The following IFT172 variants were observed in gnomAD, a reference collection of about 807,000 sequenced individuals.
The protein encoded by IFT172 is intraflagellar transport 172.
IFT172 carries 164 observed loss-of-function variants against 248.9 expected under a neutral mutation model. The observed-to-expected ratio is 0.66, with a 90% CI of 0.58 to 0.75. IFT172 has a LOEUF of 0.75. Among genes scored for constraint, IFT172 ranks in the 30% least tolerant of loss-of-function variants. The pLI, the probability that IFT172 is intolerant of heterozygous loss-of-function variation, is 0.00. For missense variants in IFT172, 1,950 were observed against 2,192.4 expected (o/e 0.89, Z 2.21); for synonymous variants, 729 against 791.6 (o/e 0.92, Z 1.33).
Position 27,445,884 on chromosome 2 carries a change from G to C in IFT172, c.4816-41C>G, listed in dbSNP as rs188659223. 1.5e-4 allele frequency: 246 copies of C among 1,614,132 alleles called. No individual in the cohort carries two copies. In the African/African-American group the frequency reaches 3.0e-3, roughly 20 times the overall value. On this transcript the variant is annotated intron_variant, in intron 44 of 47. Transcript: ENST00000260570. The surrounding 1 kb of genome is among the most constrained non-coding windows in gnomAD (Gnocchi z 4.4). ...CAACCATGAACTAGGCACAGCTCGC[G>C]ACTGGCAAAAACCTCCACCCTCGGG...
intron 1 of IFT172, among the ~76,000 whole-genome samples, chr2:27,487,696 G>A (rs562335746): frequency 4.0e-5 from 6 of 151,050 alleles, no homozygotes; most frequent in Non-Finnish European, 7.4e-5. Flanking sequence ...GAGTTCAAGC[G>A]ATTCTCCTGC....
chr2:27,464,044 T>C (rs6747190), intron 18 of IFT172, among the ~76,000 whole-genome samples: 4,515 of 152,240 alleles, frequency 0.03, 109 homozygotes, highest in Non-Finnish European at 0.048. Flanking sequence ...CTGGGATGAA[T>C]AGATGGTAGG....
chr2:27,461,882 G>C (rs761475127), intron 20 of IFT172, 46 bp from the exon 21 acceptor site: 1 of 1,608,320 alleles, frequency 6.2e-7, no homozygotes, highest in Admixed American at 1.7e-5. Flanking sequence ...AAAGATATGA[G>C]GATCAGAAAG....
chr2:27,477,197 A>C lies in IFT172; in HGVS notation c.1325+20T>G. ...GAATTATTCTGGGTTTCAGGGATTCAGAGAATCTTGTGAGGTTACCTGATG... is the reference window on the plus strand; with the variant it reads ...GAATTATTCTGGGTTTCAGGGATTCCGAGAATCTTGTGAGGTTACCTGATG... On this transcript the variant is annotated intron_variant, in intron 13 of 47. Transcript: ENST00000260570. 6.3e-7 allele frequency: 1 copy of C among 1,595,892 alleles called. No homozygotes were observed. Among genetic ancestry groups the C allele is most frequent in the Non-Finnish European group, 8.6e-7 (1 of 1,163,420 alleles).
chr2:27,475,222 C>G (rs1032249667), intron 14 of IFT172, among the ~76,000 whole-genome samples: 2 of 152,178 alleles, frequency 1.3e-5, no homozygotes, highest in African/African-American at 2.4e-5. Context: ...AATAGAAACT[C>G]TAACTGCTGG....
Position 27,457,915 on chromosome 2 carries a change from A to G in IFT172, c.3037T>C (p.Tyr1013His), listed in dbSNP as rs1382174815. 6.2e-7 allele frequency: 1 copy of G among 1,614,064 alleles called. No homozygotes were observed. Among genetic ancestry groups the G allele is most frequent in the Non-Finnish European group, 8.5e-7 (1 of 1,180,024 alleles). The change falls in exon 28 of 48, where the codon TAT becomes CAT. Residue 1013 changes from tyrosine to histidine, a missense_variant. Coordinates refer to ENST00000260570, the MANE Select transcript of IFT172 (RefSeq NM_015662.3). ...CCTACCAGGCGGATCATGTCATCAT[A>G]CAACTTGTGCTTTTTGTACATGGTG... ...AITMYKKHKL[Y>H]DDMIRLVGKH...
intron 14 of IFT172, among the ~76,000 whole-genome samples, chr2:27,473,390 G>C (rs988249280): frequency 8.9e-5 from 13 of 145,520 alleles, no homozygotes; most frequent in African/African-American, 3.0e-4. Flanking sequence ...AAAAAAAAAG[G>C]AAAATGATAA....
intron 18 of IFT172, among the ~76,000 whole-genome samples, chr2:27,464,213 A>G (rs1018403424): frequency 1.3e-5 from 2 of 152,192 alleles, no homozygotes; most frequent in East Asian, 1.9e-4. Context: ...GTCTGGAGAA[A>G]ATGGGATCAA....
intron 1 of IFT172, chr2:27,486,085 T>TGGGA (rs1668750620): frequency 6.0e-6 from 1 of 167,216 alleles, no homozygotes; most frequent in South Asian, 2.1e-4. Flanking sequence ...TTATCTGAGA[T>TGGGA]GGGAGGAATG....
chr2:27,447,586 C>T lies in IFT172; in HGVS notation c.4588G>A (p.Glu1530Lys), dbSNP rs764604255. Residue 1530 changes from glutamate to lysine, a missense_variant, in exon 42 of 48, where the codon GAG (glutamate) becomes AAG (lysine). By Grantham distance (56) the Glu-to-Lys change is moderately conservative (BLOSUM62 1). This residue lies in a region of IFT172 where 620 missense variants were observed against 699.0 expected (regional missense o/e 0.89). Coordinates refer to ENST00000260570, the MANE Select transcript of IFT172 (RefSeq NM_015662.3). ...SSEANSPAHE[E>K]FKTMLLIAHY... ...GCGATCAGCAGCATCGTCTTGAACT[C>T]CTCATGGGCTGGAGAGTTTGCCTCA... 17 of 1,614,048 alleles carry T rather than the reference C, an allele frequency of 1.1e-5. No individual in the cohort carries two copies. Among genetic ancestry groups the T allele is most frequent in the Middle Eastern group, 1.6e-4 (1 of 6,082 alleles).
chr2:27,460,914 C>A, intron 23 of IFT172, 101 bp downstream of exon 23: 1 of 1,266,936 alleles, frequency 7.9e-7, no homozygotes, highest in African/African-American at 1.5e-5. Flanking sequence ...ACGAGAAACA[C>A]CCACAGGTGT....
intron 43 of IFT172, 41 bp from the exon 44 acceptor site, chr2:27,446,029 GGTTTGAAT>G (rs778607708): frequency 6.2e-7 from 1 of 1,609,976 alleles, no homozygotes; most frequent in East Asian, 2.2e-5. Context: ...GAACAAGCTG[GGTTTGAAT>G]GCTACTTCTC....
intron 35 of IFT172, among the ~76,000 whole-genome samples, chr2:27,452,310 G>A (rs922921410): frequency 9.9e-5 from 15 of 152,124 alleles, no homozygotes; most frequent in African/African-American, 3.6e-4. Flanking sequence ...AGCTCTTCTT[G>A]GGTCTCAAGC....
chr2:27,453,535 G>A lies in IFT172; in HGVS notation c.3822-22C>T, dbSNP rs754186867. 5 of 1,612,460 alleles carry A rather than the reference G, an allele frequency of 3.1e-6. No homozygotes were observed. In the Admixed American group the frequency reaches 5.0e-5, roughly 16 times the overall value. Reference sequence around the variant, plus strand: ...ACCCCTGTGGAGATGAGAGCGCTGGGACTTGGCATGGTAGGGGGGCAGCAT... The same window carrying A: ...ACCCCTGTGGAGATGAGAGCGCTGGAACTTGGCATGGTAGGGGGGCAGCAT... On this transcript the variant is annotated intron_variant, in intron 34 of 47. Transcript: ENST00000260570.
In IFT172 at chr2:27,445,708, G is replaced by A; in HGVS notation, c.4914+37C>T. 6.2e-7 allele frequency: 1 copy of A among 1,608,376 alleles called. No individual in the cohort carries two copies. The highest frequency in any genetic ancestry group is 8.5e-7 in the Non-Finnish European group (1 of 1,174,992). ...TCTCCCTCCTCAAGGCACTCACACT[G>A]GTGAGGCCTTCCGGTTTTCCAACCC... On this transcript the variant is annotated intron_variant, in intron 45 of 47. Coordinates refer to ENST00000260570, the MANE Select transcript of IFT172 (RefSeq NM_015662.3). This position sits in a 1 kb window ranked among gnomAD's most constrained non-coding sequence, Gnocchi z 4.4.
At chr2:27,459,855 G>A in intron 23 of IFT172, 26 bp from the exon 24 acceptor site, 1 of 1,606,800 alleles carries the variant, frequency 6.2e-7, no homozygotes, top group Non-Finnish European at 8.5e-7. Flanking sequence ...AAGATGCTCA[G>A]CCCAGATTTC....
At chr2:27,458,935 A>AGAACAAACCTTGGC (rs1458332206) in intron 25 of IFT172, 67 bp from the exon 26 acceptor site, 2 of 1,549,856 alleles carry the variant, frequency 1.3e-6, no homozygotes, top group African/African-American at 2.7e-5. Flanking sequence ...GAATGAGGAA[A>AGAACAAACCTTGGC]GAACAAACCT....
intron 39 of IFT172, 35 bp downstream of exon 39, chr2:27,449,259 G>A: frequency 1.2e-6 from 2 of 1,612,282 alleles, no homozygotes; most frequent in Admixed American, 1.7e-5. Flanking sequence ...AAGGGAAAAT[G>A]TAAAGAAAAA....
In IFT172 at chr2:27,483,950, A is replaced by C; in HGVS notation, c.337-13T>G. 1 of 1,612,098 alleles carries C rather than the reference A, an allele frequency of 6.2e-7. No homozygotes were observed. The highest frequency in any genetic ancestry group is 8.5e-7 in the Non-Finnish European group (1 of 1,178,168). ...AAGTGACAGCACTCTGCGTGGAAGG[A>C]AACAATGAAAAGGATAACCCCATCT... On this transcript the variant is annotated splice_polypyrimidine_tract_variant and intron_variant, in intron 4 of 47. Coordinates refer to ENST00000260570, the MANE Select transcript of IFT172 (RefSeq NM_015662.3).
Sources: gnomAD v4.1 joint callset for allele counts (sites outside exome capture counted in the v4.1 genomes callset) on GRCh38, gnomAD v4.1.1 for gene constraint, gnomAD v4.1.1 regional missense constraint, Gnocchi (gnomAD v3.1) non-coding constraint, MANE v1.5 for transcripts, NCBI Gene and HGNC (gene_info 2026-07-23, HGNC 2026-07-21) for gene names.